The following DTNA variants were observed in gnomAD, a reference collection of about 807,000 sequenced individuals.
The protein encoded by DTNA is dystrobrevin alpha, also known as dystrophin-related protein 3.
In DTNA, 43 loss-of-function variants were observed where a neutral mutation model predicts 100.7. That is an observed-to-expected ratio of 0.43 (90% CI 0.33 to 0.55). The LOEUF (loss-of-function observed/expected upper bound fraction) is 0.55, where lower values mean the gene tolerates loss of function less well. Ranked by LOEUF, DTNA falls within the 20% of genes least tolerant of loss-of-function variation. The pLI, the probability that DTNA is intolerant of heterozygous loss-of-function variation, is 0.04. For synonymous variants in DTNA, 349 were observed against 347.9 expected (o/e 1.00, Z -0.04); for missense variants, 798 against 953.9 (o/e 0.84, Z 2.15).
chr18:34,605,116 C>CAAA (rs71266904), intron 1 of DTNA, among the ~76,000 whole-genome samples: 133 of 135,512 alleles, frequency 9.8e-4, no homozygotes, highest in African/African-American at 3.2e-3. Context: ...AGAAAACCAG[C>CAAA]AAAAAAAAAA....
intron 1 of DTNA, among the ~76,000 whole-genome samples, chr18:34,736,716 T>C (rs533844648): frequency 5.0e-4 from 76 of 152,342 alleles, no homozygotes; most frequent in Non-Finnish European, 9.3e-4. Flanking sequence ...CGTGATATTA[T>C]GAACCTCCAA....
At chr18:34,754,432 G>A (rs1178606605) in intron 1 of DTNA, among the ~76,000 whole-genome samples, 2 of 152,118 alleles carry the variant, frequency 1.3e-5, no homozygotes, top group South Asian at 2.1e-4. Context: ...TGCCACTACA[G>A]TATAAGCACC....
At chr18:34,866,900 G>A in intron 17 of DTNA, 2 of 1,117,838 alleles carry the variant, frequency 1.8e-6, no homozygotes, top group Non-Finnish European at 2.2e-6. Context: ...GGAAATAGGG[G>A]CATTGTGACT....
At chr18:34,791,094 C>T (rs1040444822) in intron 3 of DTNA, among the ~76,000 whole-genome samples, 3 of 152,088 alleles carry the variant, frequency 2.0e-5, no homozygotes, top group African/African-American at 7.2e-5. Context: ...ATGTGGGAAC[C>T]CTTATGTGGG....
chr18:34,570,647 T>C (rs2047497663), intron 1 of DTNA, among the ~76,000 whole-genome samples: 1 of 152,236 alleles, frequency 6.6e-6, no homozygotes, highest in South Asian at 2.1e-4. Flanking sequence ...TGCATTGCTG[T>C]ATCTGGAGAA....
intron 1 of DTNA, among the ~76,000 whole-genome samples, chr18:34,722,605 A>T (rs1418495838): frequency 6.7e-6 from 1 of 150,136 alleles, no homozygotes; most frequent in Non-Finnish European, 1.5e-5. Flanking sequence ...ATATATATAC[A>T]TACACACACA....
rs565543622 is a variant in DTNA at position 34,825,807 on chromosome 18, A to C, written c.1002-1786A>C. 2.4e-3 allele frequency among the ~76,000 whole-genome samples: 362 copies of C among 152,320 alleles called. 1 individual carries two copies. The highest frequency in any genetic ancestry group is 8.3e-3 in the African/African-American group (346 of 41,578). Reference sequence around the variant, plus strand: ...TTTTTAGACAGAGCAAGAAGGAAAAATTTTTAAAAAAAGACAAAATCAGAA... The same window carrying C: ...TTTTTAGACAGAGCAAGAAGGAAAACTTTTTAAAAAAAGACAAAATCAGAA... On this transcript the variant is annotated intron_variant, in intron 9 of 22. Coordinates refer to ENST00000444659, the MANE Select transcript of DTNA (RefSeq NM_001386795.1).
At chr18:34,822,976 A>G (rs531770716) in intron 9 of DTNA, among the ~76,000 whole-genome samples, 286 of 152,330 alleles carry the variant, frequency 1.9e-3, no homozygotes, top group African/African-American at 6.7e-3. Context: ...ATTGTACAAG[A>G]TATTTAATTG....
At chr18:34,595,874 G>C (rs1467582692) in intron 1 of DTNA, among the ~76,000 whole-genome samples, 1 of 152,128 alleles carries the variant, frequency 6.6e-6, no homozygotes, top group Non-Finnish European at 1.5e-5. Context: ...GATGTTCCCT[G>C]AATCACCTCT....
intron 3 of DTNA, among the ~76,000 whole-genome samples, chr18:34,777,508 C>T (rs1339167003): frequency 1.3e-5 from 2 of 152,016 alleles, no homozygotes; most frequent in Admixed American, 6.5e-5. Flanking sequence ...TGTATTAGTT[C>T]GTTTTCACAC....
At chr18:34,833,225 T>C (rs1225385458) in intron 11 of DTNA, among the ~76,000 whole-genome samples, 1 of 152,206 alleles carries the variant, frequency 6.6e-6, no homozygotes, top group Non-Finnish European at 1.5e-5. Flanking sequence ...AAAATATATT[T>C]CAGGTATCCA....
At chr18:34,574,293 C>G (rs1191524341) in intron 1 of DTNA, 3 of 152,726 alleles carry the variant, frequency 2.0e-5, no homozygotes, top group African/African-American at 7.2e-5. Context: ...TGATCTGAGA[C>G]TCCAAGGCCA....
At chr18:34,832,544 G>A (rs1055130476) in intron 11 of DTNA, among the ~76,000 whole-genome samples, 3 of 152,148 alleles carry the variant, frequency 2.0e-5, no homozygotes, top group Admixed American at 2.0e-4. Context: ...CCTGACAAAA[G>A]TGCAATTGCT....
intron 3 of DTNA, among the ~76,000 whole-genome samples, chr18:34,778,468 A>G (rs2094164056): frequency 6.6e-6 from 1 of 152,226 alleles, no homozygotes; most frequent in Admixed American, 6.5e-5. Context: ...ATAACATTTT[A>G]ACCATTTAAC....
At position 34,877,785 on chromosome 18, in the gene DTNA, C is replaced by G. The variant is rs1245380406; in HGVS notation, c.1970C>G (p.Ser657Cys). Residue 657 changes from serine to cysteine, a missense_variant, in exon 19 of 23, where the codon TCT (serine) becomes TGT (cysteine). Physicochemically the swap from Ser to Cys is moderately radical, Grantham distance 112. This residue lies in a region of DTNA where 242 missense variants were observed against 238.2 expected (regional missense o/e 1.02). Coordinates refer to ENST00000444659, the MANE Select transcript of DTNA (RefSeq NM_001386795.1). ...GATTCCATCACTAACACTATGTCCT[C>G]TCTTGTGAAAGAGCTGAATTCTGGT... ...AADSITNTMS[S>C]LVKELNSEVG... is the part of the protein sequence containing the mutation. 1 of 1,613,966 alleles carries G rather than the reference C, an allele frequency of 6.2e-7. No individual in the cohort carries two copies. Among genetic ancestry groups the G allele is most frequent in the Non-Finnish European group, 8.5e-7 (1 of 1,179,914 alleles).
At position 34,889,168 on chromosome 18, in the gene DTNA, G is replaced by C; in HGVS notation, c.*1434G>C. 1 of 985,356 alleles carries C rather than the reference G, an allele frequency of 1.0e-6. No homozygotes were observed. The highest frequency in any genetic ancestry group is 1.2e-6 in the Non-Finnish European group (1 of 829,930). The allele number at this position is 985,356 out of a possible 1,614,324, so 61.0% of individuals were successfully genotyped here. On this transcript the variant is annotated 3_prime_UTR_variant, in exon 23 of 23. Coordinates refer to ENST00000444659, the MANE Select transcript of DTNA (RefSeq NM_001386795.1). ...GCCTGCGACCTATTCAATACATTAT[G>C]CTTAAATTAGCAGTTTCTCTGGAAT...
At chr18:34,635,424 A>G (rs1056606772) in intron 1 of DTNA, among the ~76,000 whole-genome samples, 1 of 152,234 alleles carries the variant, frequency 6.6e-6, no homozygotes, top group Non-Finnish European at 1.5e-5. Context: ...TATATTTAAT[A>G]GGAACCTCCA....
intron 1 of DTNA, among the ~76,000 whole-genome samples, chr18:34,669,376 A>C (rs2076416917): frequency 6.6e-6 from 1 of 152,220 alleles, no homozygotes; most frequent in East Asian, 1.9e-4. Flanking sequence ...TTGACTCTTT[A>C]TCCAATTTGC....
chr18:34,497,560 C>T (rs2039388461), intron 1 of DTNA, among the ~76,000 whole-genome samples: 1 of 152,078 alleles, frequency 6.6e-6, no homozygotes, highest in Non-Finnish European at 1.5e-5. Flanking sequence ...ACAAAGGATT[C>T]TGATTCTGTA....
Sources: allele counts gnomAD v4.1 joint callset (sites outside exome capture counted in the v4.1 genomes callset), GRCh38; gene constraint gnomAD v4.1.1; regional missense constraint gnomAD v4.1.1; transcripts MANE v1.5; gene names NCBI Gene and HGNC (gene_info 2026-07-23, HGNC 2026-07-21).